The following ZBTB44 variants were observed in gnomAD, a reference collection of about 807,000 sequenced individuals.
ZBTB44 encodes the protein zinc finger and BTB domain-containing protein 44.
In ZBTB44, 15 loss-of-function variants were observed where a neutral mutation model predicts 54.0. The observed-to-expected ratio is 0.28, with a 90% confidence interval of 0.19 to 0.43. The LOEUF is 0.43. ZBTB44 is among the 20% of genes least tolerant of loss of function. The pLI is 1.00. For synonymous variants in ZBTB44, 230 were observed against 250.1 expected, an observed-to-expected ratio of 0.92 and a Z score of 0.76; for missense variants, 487 against 707.1, an observed-to-expected ratio of 0.69 and a Z score of 3.53.
intron 1 of ZBTB44, among the ~76,000 whole-genome samples, chr11:130,288,274 T>C (rs1941091177): frequency 1.3e-5 from 2 of 151,660 alleles, no homozygotes; most frequent in South Asian, 4.2e-4. Context: ...CTTGGGAGGC[T>C]GAGGCAGGAG....
chr11:130,257,428 CAGAG>C, intron 2 of ZBTB44, among the ~76,000 whole-genome samples: 1 of 152,074 alleles, frequency 6.6e-6, no homozygotes, highest in Non-Finnish European at 1.5e-5. Flanking sequence ...AGTGGCAAAA[CAGAG>C]AGACAGGGAA....
At chr11:130,306,133 G>C (rs1942251860) in intron 1 of ZBTB44, among the ~76,000 whole-genome samples, 1 of 152,122 alleles carries the variant, frequency 6.6e-6, no homozygotes, top group South Asian at 2.1e-4. Flanking sequence ...GTGGTGAAAA[G>C]GGAACACTTT....
At chr11:130,245,784 G>C (rs1266094784) in intron 2 of ZBTB44, among the ~76,000 whole-genome samples, 2 of 152,208 alleles carry the variant, frequency 1.3e-5, no homozygotes, top group African/African-American at 4.8e-5. Flanking sequence ...ATACTCTTTC[G>C]AGGAGGGAAT....
At chr11:130,242,936 G>A (rs868669477) in intron 2 of ZBTB44, among the ~76,000 whole-genome samples, 1 of 152,144 alleles carries the variant, frequency 6.6e-6, no homozygotes, top group South Asian at 2.1e-4. Flanking sequence ...CTCTCTCTGT[G>A]TAGCACTGAA....
At chr11:130,306,705 A>T (rs752902592) in intron 1 of ZBTB44, among the ~76,000 whole-genome samples, 5 of 152,202 alleles carry the variant, frequency 3.3e-5, no homozygotes, top group Non-Finnish European at 7.3e-5. Flanking sequence ...TGGTATATTT[A>T]CACCATGAAA....
chr11:130,302,603 C>G (rs1322647221), intron 1 of ZBTB44, among the ~76,000 whole-genome samples: 1 of 152,076 alleles, frequency 6.6e-6, no homozygotes, highest in Non-Finnish European at 1.5e-5. Flanking sequence ...AAGTAAAACC[C>G]AGGAAAAATG....
chr11:130,294,896 A>G (rs1394085877), intron 1 of ZBTB44, among the ~76,000 whole-genome samples: 1 of 152,234 alleles, frequency 6.6e-6, no homozygotes, highest in East Asian at 1.9e-4. Flanking sequence ...GTTTTAGTCA[A>G]CTAGCATTTA....
At chr11:130,271,218 A>C (rs1236743971) in intron 1 of ZBTB44, among the ~76,000 whole-genome samples, 1 of 152,222 alleles carries the variant, frequency 6.6e-6, no homozygotes, top group Non-Finnish European at 1.5e-5. Flanking sequence ...TTGCAATTTG[A>C]GTTTACAGTC....
rs1393273704 is a variant in ZBTB44 at position 130,257,712 on chromosome 11, AG to A, written c.1018+3143del. Among the ~76,000 whole-genome samples, 3 of 152,192 alleles carry A rather than the reference AG, an allele frequency of 2.0e-5. No individual in the cohort carries two copies. In the East Asian group the frequency reaches 5.8e-4, roughly 29 times the overall value. On this transcript the variant is annotated intron_variant, in intron 2 of 7. Coordinates refer to ENST00000357899, the MANE Select transcript of ZBTB44 (RefSeq NM_001301098.2). Reference sequence around the variant, plus strand: ...CAGCAGCCCAGGGAAACTCACACAGAGGGTAAAAGCACAAGAAACTAACAAA... The same window carrying A: ...CAGCAGCCCAGGGAAACTCACACAGAGGTAAAAGCACAAGAAACTAACAAA...
chr11:130,299,647 A>C (rs914959178), intron 1 of ZBTB44, among the ~76,000 whole-genome samples: 3 of 152,218 alleles, frequency 2.0e-5, no homozygotes, highest in Non-Finnish European at 2.9e-5. Context: ...TAAAAAAAAA[A>C]AACAAAATAA....
chr11:130,288,230 C>T (rs1941086646), intron 1 of ZBTB44, among the ~76,000 whole-genome samples: 1 of 151,524 alleles, frequency 6.6e-6, no homozygotes, highest in Non-Finnish European at 1.5e-5. Flanking sequence ...AAAAATTAGC[C>T]GGGTGTGGTG....
chr11:130,303,282 T>C (rs1334112170), intron 1 of ZBTB44, among the ~76,000 whole-genome samples: 1 of 152,214 alleles, frequency 6.6e-6, no homozygotes, highest in African/African-American at 2.4e-5. Context: ...TTTGTAGTTA[T>C]GCTGAGTGCG....
chr11:130,314,469 G>A lies in ZBTB44; in HGVS notation c.-151C>T, dbSNP rs1942828291. 2.5e-4 allele frequency: 1 copy of A among 4,058 alleles called. No individual in the cohort carries two copies. Among genetic ancestry groups the A allele is most frequent in the Admixed American group, 8.1e-3 (1 of 124 alleles). 0.3% of individuals were successfully genotyped at this position (4,058 alleles called of 1,614,324 possible). On this transcript the variant is annotated 5_prime_UTR_variant, in exon 1 of 8. Coordinates refer to ENST00000357899, the MANE Select transcript of ZBTB44 (RefSeq NM_001301098.2). ...AGGCGGCGGCGGCGGCGGCCCGGGG[G>A]GAGGGGGCGGAGCGCGGCTCGCTGC...
intron 1 of ZBTB44, among the ~76,000 whole-genome samples, chr11:130,298,235 C>A (rs565913543): frequency 1.1e-4 from 17 of 151,832 alleles, no homozygotes; most frequent in African/African-American, 4.1e-4. Flanking sequence ...CTGGACCTCC[C>A]GAACTCAAGC....
rs777156856 is a variant in ZBTB44, at chr11:130,272,066, C to T, written c.-56-10137G>A. 3.3e-5 allele frequency among the ~76,000 whole-genome samples: 5 copies of T among 152,062 alleles called. No homozygotes were observed. The South Asian group carries it at 1.0e-3, about 32-fold the overall frequency. On this transcript the variant is annotated intron_variant, in intron 1 of 7. Coordinates refer to ENST00000357899, the MANE Select transcript of ZBTB44 (RefSeq NM_001301098.2). ...CCAATATGGTGAAGCCCGAACTCTACTAAAAATACAAAAAAATTAGCTGGG... is the reference window on the plus strand; with the variant it reads ...CCAATATGGTGAAGCCCGAACTCTATTAAAAATACAAAAAAATTAGCTGGG...
chr11:130,260,062 A>G (rs1938747314), intron 2 of ZBTB44, among the ~76,000 whole-genome samples: 3 of 152,220 alleles, frequency 2.0e-5, no homozygotes, highest in Admixed American at 2.0e-4. Flanking sequence ...TGCTACAGTT[A>G]AGTTACTGCA....
At chr11:130,234,347 C>T in intron 5 of ZBTB44, 74 bp from the exon 6 acceptor site, 1 of 1,381,362 alleles carries the variant, frequency 7.2e-7, no homozygotes, top group Non-Finnish European at 9.6e-7. Flanking sequence ...GTAAAAAGCT[C>T]TGATTTATAC....
chr11:130,262,768 A>G (rs1475363644), intron 1 of ZBTB44, among the ~76,000 whole-genome samples: 2 of 152,194 alleles, frequency 1.3e-5, no homozygotes, highest in Non-Finnish European at 2.9e-5. Flanking sequence ...AGATGAATTT[A>G]AAAAGGTTGC....
rs922999248 is a variant in ZBTB44, at chr11:130,314,872, C to T, written c.-554G>A. The T allele has an allele frequency of 2.0e-5, 3 of 152,038 alleles. No homozygotes were observed. Among genetic ancestry groups the T allele is most frequent in the East Asian group, 2.0e-4 (1 of 5,050 alleles). 9.4% of individuals were successfully genotyped at this position (152,038 alleles called of 1,614,324 possible). On this transcript the variant is annotated 5_prime_UTR_variant, in exon 1 of 8. Transcript: ENST00000357899. ...GCCGGCGCCGCCGCCGTTGCCGCTCCGCTCACTCCAGCCTGTTTGGGGGCA... is the reference window on the plus strand; with the variant it reads ...GCCGGCGCCGCCGCCGTTGCCGCTCTGCTCACTCCAGCCTGTTTGGGGGCA...
Sources: gnomAD v4.1 joint callset for allele counts (sites outside exome capture counted in the v4.1 genomes callset) on GRCh38, gnomAD v4.1.1 for gene constraint, MANE v1.5 for transcripts, NCBI Gene and HGNC (gene_info 2026-07-23, HGNC 2026-07-21) for gene names.